MRPL47: variants seen among roughly 807,000 people sequenced by gnomAD.
MRPL47 encodes the protein large ribosomal subunit protein uL29m.
In MRPL47, 31 loss-of-function variants were observed where a neutral mutation model predicts 34.0. That is an observed-to-expected ratio of 0.91 (90% CI 0.68 to 1.23). The LOEUF is 1.23. MRPL47 is among the 50% of genes most tolerant of loss of function. The pLI is 0.00. For synonymous variants in MRPL47, 106 were observed against 101.6 expected, an observed-to-expected ratio of 1.04 and a Z score of -0.26; for missense variants, 328 against 285.8, an observed-to-expected ratio of 1.15 and a Z score of -1.07.
intron 5 of MRPL47, 137 bp downstream of exon 5, chr3:179,593,628 G>A: frequency 2.8e-6 from 2 of 706,974 alleles, no homozygotes; most frequent in Non-Finnish European, 4.3e-6. Context: ...AAAGGGGTGT[G>A]GGGCCTCTTC....
intron 5 of MRPL47, 96 bp from the exon 6 acceptor site, chr3:179,592,835 T>C: frequency 1.4e-6 from 1 of 732,474 alleles, no homozygotes; most frequent in East Asian, 2.6e-5. Flanking sequence ...CAAATAAAAA[T>C]TAGTAGAAAA....
chr3:179,602,623 T>C (rs375671618), intron 2 of MRPL47, 29 bp downstream of exon 2: 13 of 1,329,498 alleles, frequency 9.8e-6, no homozygotes, highest in Non-Finnish European at 1.3e-5. Context: ...CATAAATATA[T>C]CTAATGTTGA....
At chr3:179,604,500 G>A (rs2108388213) in intron 1 of MRPL47, 27 bp downstream of exon 1, 2 of 1,595,770 alleles carry the variant, frequency 1.3e-6, no homozygotes, top group East Asian at 2.3e-5. Flanking sequence ...TGGAGAGGTG[G>A]GCAAACCTAC....
chr3:179,598,968 G>A (rs1008295938), intron 3 of MRPL47, among the ~76,000 whole-genome samples, 197 bp from the exon 4 acceptor site: 28 of 152,046 alleles, frequency 1.8e-4, no homozygotes, highest in African/African-American at 6.3e-4. Flanking sequence ...ATACCAGCCT[G>A]GGCAACACAG....
At chr3:179,602,257 T>C (rs775479312) in intron 2 of MRPL47, among the ~76,000 whole-genome samples, 10 of 152,122 alleles carry the variant, frequency 6.6e-5, no homozygotes, top group Non-Finnish European at 1.5e-4. Flanking sequence ...GGCAGGAGAA[T>C]CACTGGAATC....
intron 4 of MRPL47, among the ~76,000 whole-genome samples, chr3:179,595,148 C>A (rs1016384366): frequency 6.6e-6 from 1 of 152,160 alleles, no homozygotes; most frequent in African/African-American, 2.4e-5. Flanking sequence ...CAGGCTCAAG[C>A]AATCCTCCCA....
rs750532097 is a variant in MRPL47 at position 179,604,604 on chromosome 3, G to A, written c.21C>T (p.Ala7=). 2.6e-5 allele frequency: 42 copies of A among 1,614,050 alleles called. No individual in the cohort carries two copies. Among genetic ancestry groups the A allele is most frequent in the Non-Finnish European group, 3.4e-5 (40 of 1,180,046 alleles). Residue 7 remains alanine, a synonymous_variant, in exon 1 of 7, where the codon GCC becomes GCT. Coordinates refer to ENST00000476781, the MANE Select transcript of MRPL47 (RefSeq NM_020409.3). ...CGGATGAAACTCTCCTACAAAGAAG[G>A]GCCAAACCGGCCGCAGCCATGTTTT... The part of the protein sequence containing the change: MAAAGL[A]LLCRRVSSAL...
At chr3:179,598,541 T>C in intron 4 of MRPL47, 134 bp downstream of exon 4, 1 of 619,752 alleles carries the variant, frequency 1.6e-6, no homozygotes, top group Admixed American at 2.5e-5. Flanking sequence ...CTATGATGGT[T>C]GCACTACTCA....
intron 4 of MRPL47, among the ~76,000 whole-genome samples, chr3:179,598,422 ACAC>A (rs1718841511): frequency 2.1e-5 from 3 of 142,916 alleles, no homozygotes; most frequent in African/African-American, 8.0e-5. Flanking sequence ...ACACACACAC[ACAC>A]AAACAAAAAA....
chr3:179,592,455 A>G (rs1048450030), intron 6 of MRPL47, among the ~76,000 whole-genome samples, 189 bp downstream of exon 6: 3 of 152,138 alleles, frequency 2.0e-5, no homozygotes, highest in Admixed American at 2.0e-4. Flanking sequence ...CGGCCTCCCA[A>G]AGTGCTGGGA....
intron 4 of MRPL47, among the ~76,000 whole-genome samples, chr3:179,594,711 T>C (rs1421010661): frequency 6.6e-6 from 1 of 152,098 alleles, no homozygotes; most frequent in Non-Finnish European, 1.5e-5. Context: ...CTCAAACTCC[T>C]GGCCCCAGGT....
chr3:179,601,623 A>C (rs1718928384), intron 3 of MRPL47, 107 bp downstream of exon 3: 1 of 712,980 alleles, frequency 1.4e-6, no homozygotes, highest in Non-Finnish European at 2.5e-6. Context: ...AGTACTACAA[A>C]AGAAATCGCT....
At chr3:179,602,518 T>A (rs1374303014) in intron 2 of MRPL47, 134 bp downstream of exon 2, 3 of 566,468 alleles carry the variant, frequency 5.3e-6, no homozygotes, top group South Asian at 2.3e-5. Flanking sequence ...TAGTAGACAG[T>A]CTCAAAGAAA....
chr3:179,588,785 A>ATTTC lies in MRPL47; in HGVS notation c.*83_*86dup, dbSNP rs1005897439. On this transcript the variant is annotated 3_prime_UTR_variant, in exon 7 of 7. Transcript: ENST00000476781. ...GTAAAGTCACTTGACTAAAAACAGA[A>ATTTC]TTTCTTTATAAACCACTTAACATAT... 64 of 1,305,644 alleles carry ATTTC rather than the reference A, an allele frequency of 4.9e-5. No homozygotes were observed. In the African/African-American group the frequency reaches 7.8e-4, roughly 16 times the overall value. The allele number at this position is 1,305,644 out of a possible 1,614,324, so 80.9% of individuals were successfully genotyped here.
Position 179,592,680 on chromosome 3 carries a change from C to A in MRPL47, c.593G>T (p.Arg198Leu), listed in dbSNP as rs369744911. 4.3e-6 allele frequency: 7 copies of A among 1,613,716 alleles called. No individual in the cohort carries two copies. Among genetic ancestry groups the A allele is most frequent in the African/African-American group, 1.3e-5 (1 of 74,918 alleles). The change falls in exon 6 of 7, where the codon CGA becomes CTA. Residue 198 changes from arginine (R) to leucine (L), a missense_variant. By Grantham distance (102) the Arg-to-Leu change is moderately radical. Coordinates refer to ENST00000476781, the MANE Select transcript of MRPL47 (RefSeq NM_020409.3). Reference protein sequence around the residue: ...WHLNKRYNRKRFFALPYVDHF... With the variant: ...WHLNKRYNRKLFFALPYVDHF... ...GTCCACATAAGGCAAGGCAAAGAAT[C>A]GTTTCCTATTGTATCTTTTATTTAG... is the stretch of plus-strand genomic sequence containing the variant.
intron 1 of MRPL47, among the ~76,000 whole-genome samples, chr3:179,603,576 A>C (rs1718981011): frequency 6.6e-6 from 1 of 152,150 alleles, no homozygotes; most frequent in African/African-American, 2.4e-5. Context: ...ATTTTGCAAC[A>C]TGTATCAGGA....
chr3:179,604,569 G>C lies in MRPL47; in HGVS notation c.56C>G (p.Ser19Cys). 6.2e-7 allele frequency: 1 copy of C among 1,614,186 alleles called. No individual in the cohort carries two copies. Among genetic ancestry groups the C allele is most frequent in the Non-Finnish European group, 8.5e-7 (1 of 1,180,000 alleles). The change falls in exon 1 of 7, where the codon TCT (serine) becomes TGT (cysteine). Residue 19 changes from serine (S) to cysteine (C), a missense_variant. Physicochemically the swap from Ser to Cys is moderately radical, Grantham distance 112. Transcript: ENST00000476781. ...CTGAGGAGTTATTAACGATCGGGAAGATTTCAGGGCGGATGAAACTCTCCT... is the reference window on the plus strand; with the variant it reads ...CTGAGGAGTTATTAACGATCGGGAACATTTCAGGGCGGATGAAACTCTCCT... ...LCRRVSSALK[S>C]SRSLITPQVP...
Position 179,601,717 on chromosome 3 carries a change from T to A in MRPL47, c.305+13A>T. 10 of 1,541,280 alleles carry A rather than the reference T, an allele frequency of 6.5e-6. No homozygotes were observed. The highest frequency in any genetic ancestry group is 9.0e-6 in the Non-Finnish European group (10 of 1,114,206). ...TTCAAACGTCTAGATGTTAATGTAC[T>A]TAGTATACTTACCAAAGTTTGTGTA... On this transcript the variant is annotated intron_variant, in intron 3 of 6. Coordinates refer to ENST00000476781, the MANE Select transcript of MRPL47 (RefSeq NM_020409.3).
chr3:179,604,491 G>A, intron 1 of MRPL47, 36 bp downstream of exon 1: 1 of 1,572,248 alleles, frequency 6.4e-7, no homozygotes, highest in Non-Finnish European at 8.7e-7. Context: ...ATCCAAAGTT[G>A]GAGAGGTGGG....
Sources: allele counts gnomAD v4.1 joint callset (sites outside exome capture counted in the v4.1 genomes callset), GRCh38; gene constraint gnomAD v4.1.1; transcripts MANE v1.5; gene names NCBI Gene and HGNC (gene_info 2026-07-23, HGNC 2026-07-21).